TXNDC11: variants seen among roughly 807,000 people sequenced by gnomAD.
TXNDC11 encodes thioredoxin domain containing 11, also known as thioredoxin domain-containing protein 11.
TXNDC11 carries 68 observed loss-of-function variants against 78.0 expected under a neutral mutation model. That is an observed-to-expected ratio of 0.87 (90% CI 0.72 to 1.07). TXNDC11 has a LOEUF of 1.07. Among genes scored for constraint, TXNDC11 ranks in the 50% least tolerant of loss-of-function variants. The pLI is 0.00. For synonymous variants in TXNDC11, 571 were observed against 495.2 expected (o/e 1.15, Z -2.03); for missense variants, 1,389 against 1,221.8 (o/e 1.14, Z -2.04).
rs780788214 is a variant in TXNDC11, at chr16:11,679,516, G to A, written c.2556C>T (p.Leu852=). ...CCTGCAGCTGCTCACTGTGTGCGTG[G>A]AGCAGGCTGTGCTGCTCTTCCAGGG... ...QRALEEQHSL[L]HAHSEQLQAL... The change falls in exon 12 of 12, where the codon CTC becomes CTT. Residue 852 remains leucine (L), a synonymous_variant. Coordinates refer to ENST00000283033, the MANE Select transcript of TXNDC11 (RefSeq NM_015914.7). This position sits in a 1 kb window ranked among gnomAD's most constrained non-coding sequence, Gnocchi z 4.6. The A allele has an allele frequency of 6.2e-7, 1 of 1,613,384 alleles. No homozygotes were observed. Among genetic ancestry groups the A allele is most frequent in the Non-Finnish European group, 8.5e-7 (1 of 1,180,028 alleles).
At chr16:11,735,873 A>G in intron 2 of TXNDC11, 144 bp downstream of exon 2, 1 of 687,290 alleles carries the variant, frequency 1.5e-6, no homozygotes, top group East Asian at 2.7e-5. Flanking sequence ...CTGTTGCTTT[A>G]TAGAAAGCTC....
chr16:11,716,693 ATCT>A (rs1489983013), intron 5 of TXNDC11, among the ~76,000 whole-genome samples: 6 of 152,254 alleles, frequency 3.9e-5, no homozygotes, highest in Non-Finnish European at 8.8e-5. Flanking sequence ...CATGTCAATT[ATCT>A]TCAAGTCAAT....
intron 7 of TXNDC11, among the ~76,000 whole-genome samples, chr16:11,692,955 C>G (rs2050761116): frequency 6.6e-6 from 1 of 152,176 alleles, no homozygotes; most frequent in Non-Finnish European, 1.5e-5. Context: ...GCAGCTGCTT[C>G]AGGGAAGCTA....
intron 10 of TXNDC11, among the ~76,000 whole-genome samples, chr16:11,686,704 C>T (rs2141973927): frequency 6.6e-6 from 1 of 152,246 alleles, no homozygotes; most frequent in Admixed American, 6.5e-5. Context: ...TTATAATTTC[C>T]CCACTTGTTT....
intron 6 of TXNDC11, among the ~76,000 whole-genome samples, chr16:11,699,650 G>A (rs1013452352): frequency 6.6e-6 from 1 of 152,276 alleles, no homozygotes; most frequent in Non-Finnish European, 1.5e-5. Flanking sequence ...AAGCAAGGGG[G>A]CACCCCTGGA....
At chr16:11,731,431 T>C (rs1390283069) in intron 3 of TXNDC11, among the ~76,000 whole-genome samples, 2 of 152,230 alleles carry the variant, frequency 1.3e-5, no homozygotes, top group Non-Finnish European at 2.9e-5. Flanking sequence ...ATACCACCAC[T>C]ATTCAGTTAT....
chr16:11,734,188 G>A, intron 2 of TXNDC11, 109 bp from the exon 3 acceptor site: 2 of 765,116 alleles, frequency 2.6e-6, no homozygotes, highest in South Asian at 1.6e-5. Flanking sequence ...CACTGAAACA[G>A]AAACTATGAA....
intron 1 of TXNDC11, 113 bp downstream of exon 1, chr16:11,742,364 C>A (rs1461599240): frequency 4.6e-6 from 4 of 864,740 alleles, no homozygotes; most frequent in East Asian, 6.8e-5. Context: ...CCGTCCTGGG[C>A]AAGGTCAGGC....
At chr16:11,680,769 C>T (rs12929396) in intron 11 of TXNDC11, among the ~76,000 whole-genome samples, 54,590 of 152,042 alleles carry the variant, frequency 0.36, 11,832 homozygotes, top group Non-Finnish European at 0.49. Flanking sequence ...CCACTGGACC[C>T]GGCCGTAAAT....
intron 5 of TXNDC11, among the ~76,000 whole-genome samples, chr16:11,709,559 C>T (rs995880182): frequency 6.6e-6 from 1 of 150,836 alleles, no homozygotes; most frequent in Non-Finnish European, 1.5e-5. Context: ...CTCAGCCTCC[C>T]GAGTAGCTGG....
At chr16:11,720,989 G>A (rs920852811) in intron 5 of TXNDC11, among the ~76,000 whole-genome samples, 9 of 151,026 alleles carry the variant, frequency 6.0e-5, no homozygotes, top group East Asian at 6.0e-4. Context: ...CAATCCACCC[G>A]CCTAAGCCTC....
chr16:11,735,590 C>G (rs552611432), intron 2 of TXNDC11, among the ~76,000 whole-genome samples: 1 of 152,276 alleles, frequency 6.6e-6, no homozygotes, highest in African/African-American at 2.4e-5. Flanking sequence ...AGGTGGCATT[C>G]CTTATCTGCT....
intron 11 of TXNDC11, among the ~76,000 whole-genome samples, chr16:11,683,692 G>C (rs1470203799): frequency 4.0e-5 from 6 of 150,996 alleles, no homozygotes; most frequent in Admixed American, 1.3e-4. Flanking sequence ...ACCTTTAAAA[G>C]ATCCATACCA....
intron 5 of TXNDC11, among the ~76,000 whole-genome samples, chr16:11,702,092 G>GTATATATATATATATATATATATATATA (rs35673646): frequency 6.2e-5 from 9 of 144,330 alleles, no homozygotes; most frequent in African/African-American, 2.3e-4. Context: ...GTATGTATGT[G>GTATATATATATATATATATATATATATA]TATATATATA....
chr16:11,706,758 C>T (rs1371813245), intron 5 of TXNDC11, among the ~76,000 whole-genome samples: 2 of 152,334 alleles, frequency 1.3e-5, no homozygotes, highest in East Asian at 3.9e-4. Flanking sequence ...CCTGAAACTC[C>T]ATCTGGTTTC....
At chr16:11,726,557 AC>A (rs2051884156) in intron 4 of TXNDC11, among the ~76,000 whole-genome samples, 1 of 141,066 alleles carries the variant, frequency 7.1e-6, no homozygotes, top group Non-Finnish European at 1.6e-5. Flanking sequence ...TCCAGCCTGG[AC>A]AACAGAGCGA....
chr16:11,737,502 C>T (rs922803870), intron 1 of TXNDC11, among the ~76,000 whole-genome samples: 4 of 150,956 alleles, frequency 2.6e-5, no homozygotes, highest in South Asian at 2.1e-4. Flanking sequence ...AAAAGCCAGA[C>T]GGTACAAATG....
At chr16:11,717,023 A>G (rs2141075294) in intron 5 of TXNDC11, among the ~76,000 whole-genome samples, 1 of 152,216 alleles carries the variant, frequency 6.6e-6, no homozygotes, top group African/African-American at 2.4e-5. Context: ...TTTAAGCCAA[A>G]GTAAAGCCAG....
rs1242203707 is a variant in TXNDC11 at position 11,691,213 on chromosome 16, AG to A, written c.1900+76del. On this transcript the variant is annotated intron_variant, in intron 8 of 11. Coordinates refer to ENST00000283033, the MANE Select transcript of TXNDC11 (RefSeq NM_015914.7). Reference sequence around the variant, plus strand: ...CATCACCCCACAACTAAATGTAATGAGAGCCATCAATAAAATTTACCCATAT... The same window carrying A: ...CATCACCCCACAACTAAATGTAATGAAGCCATCAATAAAATTTACCCATAT... The A allele has an allele frequency of 8.2e-6, 10 of 1,225,668 alleles. No homozygotes were observed. In the East Asian group the frequency reaches 2.3e-4, roughly 29 times the overall value. The allele number at this position is 1,225,668 out of a possible 1,614,324, so 75.9% of individuals were successfully genotyped here.
Sources: allele counts gnomAD v4.1 joint callset (sites outside exome capture counted in the v4.1 genomes callset), GRCh38; gene constraint gnomAD v4.1.1; non-coding constraint Gnocchi (gnomAD v3.1); transcripts MANE v1.5; gene names NCBI Gene and HGNC (gene_info 2026-07-23, HGNC 2026-07-21).